Variants in DQX1 observed in about 807,000 individuals in gnomAD.
The protein encoded by DQX1 is DEAQ-box RNA dependent ATPase 1.
A neutral mutation model predicts 81.3 loss-of-function variants in DQX1; 66 were observed. The ratio of observed to expected loss-of-function variants is 0.81; its 90% CI spans 0.67 to 1.00. The LOEUF is 1.00. Ranked by LOEUF, DQX1 falls within the 50% of genes least tolerant of loss-of-function variation. The pLI is 0.00. For synonymous variants in DQX1, 290 were observed against 350.0 expected, an observed-to-expected ratio of 0.83 and a Z score of 1.91; for missense variants, 798 against 867.9, an observed-to-expected ratio of 0.92 and a Z score of 1.01.
rs1675076328 is a variant in DQX1 at position 74,523,137 on chromosome 2, C to G, written c.1126G>C (p.Ala376Pro). 1.2e-6 allele frequency: 2 copies of G among 1,614,180 alleles called. No homozygotes were observed. Among genetic ancestry groups the G allele is most frequent in the East Asian group, 4.5e-5 (2 of 44,888 alleles). The change falls in exon 6 of 12, where the codon GCA (alanine) becomes CCA (proline). Residue 376 changes from alanine (A) to proline (P), a missense_variant. Coordinates refer to ENST00000404568, the MANE Select transcript of DQX1 (RefSeq NM_133637.3). ...CTCTTACCTGGTGGGAACCCTCTTG[C>G]TCGCAATCGTCTTGCCTCTGCCTGA... ...KCQAEARRLRARGFPPGSCLC... is the reference protein window; with the variant it reads ...KCQAEARRLRPRGFPPGSCLC...
At position 74,524,111 on chromosome 2, in the gene DQX1, G is replaced by T; in HGVS notation, c.628C>A (p.Pro210Thr). The change falls in exon 4 of 12, where the codon CCT becomes ACT. Residue 210 changes from proline to threonine, a missense_variant. By Grantham distance (38) the Pro-to-Thr change is conservative. Transcript: ENST00000404568. ...VVVVTDPALE[P>T]KLRAFWGNPP... ...TTGCCCCAGAAAGCTCGGAGCTTAG[G>T]TTCAAGGGCTGGGTCAGTAACCACA... 3 of 1,614,186 alleles carry T rather than the reference G, an allele frequency of 1.9e-6. No individual in the cohort carries two copies. Among genetic ancestry groups the T allele is most frequent in the Non-Finnish European group, 2.5e-6 (3 of 1,180,030 alleles).
Position 74,519,941 on chromosome 2 carries a change from A to G in DQX1, c.1589T>C (p.Ile530Thr). The change falls in exon 9 of 12, where the codon ATC becomes ACC. Residue 530 changes from isoleucine (I) to threonine (T), a missense_variant. Transcript: ENST00000404568. Reference protein sequence around the residue: ...EHTDGDHSSLIQVYEAFIQSG... With the variant: ...EHTDGDHSSLTQVYEAFIQSG... Reference sequence around the variant, plus strand: ...TTGTATAAAGGCTTCATACACCTGGATCAGAGAACTGTGGTCACCATCCGT... The same window carrying G: ...TTGTATAAAGGCTTCATACACCTGGGTCAGAGAACTGTGGTCACCATCCGT... 2 of 1,614,224 alleles carry G rather than the reference A, an allele frequency of 1.2e-6. No homozygotes were observed. Among genetic ancestry groups the G allele is most frequent in the Non-Finnish European group, 1.7e-6 (2 of 1,180,028 alleles).
In DQX1 at chr2:74,522,649, T is replaced by C. The variant is rs374157779; in HGVS notation, c.1426A>G (p.Lys476Glu). 1.4e-5 allele frequency: 22 copies of C among 1,614,080 alleles called. No homozygotes were observed. The African/African-American group carries it at 2.5e-4, about 19-fold the overall frequency. Reference sequence around the variant, plus strand: ...AACTCGCATGAGGCCAGCAGGGCTTTGGCCAGCTCAGGGGCCAGAGGGAAT... The same window carrying C: ...AACTCGCATGAGGCCAGCAGGGCTTCGGCCAGCTCAGGGGCCAGAGGGAAT... ...SEFPLAPELA[K>E]ALLASCEFDC... The change falls in exon 8 of 12, where the codon AAA (lysine) becomes GAA (glutamate). Residue 476 changes from lysine to glutamate, a missense_variant. Transcript: ENST00000404568.
intron 3 of DQX1, among the ~76,000 whole-genome samples, chr2:74,524,531 G>A (rs1675122100): frequency 6.6e-6 from 1 of 152,186 alleles, no homozygotes; most frequent in Non-Finnish European, 1.5e-5. Flanking sequence ...TTTCTGATGA[G>A]GGTGAGGCTG....
chr2:74,524,991 GCC>G lies in DQX1; in HGVS notation c.431+16_431+17del. ...ATAAGGGGAATTATATTCGGGTAAG[GCC>G]TGCAGAGGCCCCCACCTGAGCAGGG... On this transcript the variant is annotated intron_variant, in intron 3 of 11. Transcript: ENST00000404568. 1 of 1,605,930 alleles carries G rather than the reference GCC, an allele frequency of 6.2e-7. No homozygotes were observed. Among genetic ancestry groups the G allele is most frequent in the Non-Finnish European group, 8.5e-7 (1 of 1,175,100 alleles).
chr2:74,518,513 G>C lies in DQX1; in HGVS notation c.2087C>G (p.Ala696Gly). The C allele has an allele frequency of 6.2e-7, 1 of 1,614,210 alleles. No homozygotes were observed. The highest frequency in any genetic ancestry group is 8.5e-7 in the Non-Finnish European group (1 of 1,180,032). Residue 696 changes from alanine to glycine, a missense_variant, in exon 12 of 12, where the codon GCA becomes GGA. Ala to Gly is a moderately conservative substitution (Grantham distance 60). Coordinates refer to ENST00000404568, the MANE Select transcript of DQX1 (RefSeq NM_133637.3). ...TGATTTGCTCCCTGCTGTAGAATCTGCCATTCCTTCCCTTAGCTGGTTCAG... is the reference window on the plus strand; with the variant it reads ...TGATTTGCTCCCTGCTGTAGAATCTCCCATTCCTTCCCTTAGCTGGTTCAG... ...DLLNQLREGM[A>G]DSTAGSKSSS...
In DQX1 at chr2:74,524,074, A is replaced by C. The variant is rs1336622906; in HGVS notation, c.665T>G (p.Val222Gly). ...LRAFWGNPPI[V>G]HIPREPGERP... The stretch of plus-strand genomic sequence containing the variant: ...CTCACCAGGCTCTCTGGGTATATGC[A>C]CAATAGGAGGATTGCCCCAGAAAGC... Residue 222 changes from valine to glycine, a missense_variant, in exon 4 of 12, where the codon GTG (valine) becomes GGG (glycine). By Grantham distance (109) the Val-to-Gly change is moderately radical. Transcript: ENST00000404568. The C allele has an allele frequency of 6.2e-7, 1 of 1,614,062 alleles. No individual in the cohort carries two copies.
rs1252053994 is a variant in DQX1, at chr2:74,525,916, GAGAGTT to G, written c.-19-174_-19-169del. ...CTAGGTATTTTGATAAAGGGCTACTGAGAGTTAGTCGACAGTCCCTATAGTCAGGTA... is the reference window on the plus strand; with the variant it reads ...CTAGGTATTTTGATAAAGGGCTACTGAGTCGACAGTCCCTATAGTCAGGTA... On this transcript the variant is annotated intron_variant, in intron 1 of 11. Transcript: ENST00000404568. The surrounding 1 kb of genome is among the most constrained non-coding windows in gnomAD (Gnocchi z 4.1). 6.6e-6 allele frequency among the ~76,000 whole-genome samples: 1 copy of G among 152,224 alleles called. No individual in the cohort carries two copies. Among genetic ancestry groups the G allele is most frequent in the African/African-American group, 2.4e-5 (1 of 41,446 alleles).
chr2:74,524,856 C>T (rs2104343023), intron 3 of DQX1, among the ~76,000 whole-genome samples, 153 bp downstream of exon 3: 1 of 152,194 alleles, frequency 6.6e-6, no homozygotes, highest in South Asian at 2.1e-4. Context: ...GCACTCCAGC[C>T]TGGGTGACAG....
In DQX1 at chr2:74,523,305, C is replaced by G. The variant is rs371651616; in HGVS notation, c.1044+5G>C. 8 of 1,614,094 alleles carry G rather than the reference C, an allele frequency of 5.0e-6. No individual in the cohort carries two copies. The Admixed American group carries it at 5.0e-5, about 10-fold the overall frequency. ...ACCCCACCGCTATCTCTCTCTCTCA[C>G]TCACACTTCGGAGCTCCAGTCCTGA... On this transcript the variant is annotated splice_donor_5th_base_variant and intron_variant, in intron 5 of 11. Transcript: ENST00000404568.
chr2:74,518,804 G>A (rs907969228), intron 11 of DQX1, among the ~76,000 whole-genome samples: 1 of 152,138 alleles, frequency 6.6e-6, no homozygotes, highest in Non-Finnish European at 1.5e-5. Flanking sequence ...TGGGACTACA[G>A]GGTGGTTTCA....
rs187381010 is a variant in DQX1, at chr2:74,525,360, C to T, written c.237+133G>A. On this transcript the variant is annotated intron_variant, in intron 2 of 11. Transcript: ENST00000404568. This position sits in a 1 kb window ranked among gnomAD's most constrained non-coding sequence, Gnocchi z 4.1. ...CAACCTAACCCATCCCATCTCTCTTCGTTCACCTTCCTCATGACCCCACGC... is the reference window on the plus strand; with the variant it reads ...CAACCTAACCCATCCCATCTCTCTTTGTTCACCTTCCTCATGACCCCACGC... 128 of 1,246,114 alleles carry T rather than the reference C, an allele frequency of 1.0e-4. 1 individual carries two copies. In the African/African-American group the frequency reaches 1.4e-3, roughly 14 times the overall value. The allele number at this position is 1,246,114 out of a possible 1,614,324, so 77.2% of individuals were successfully genotyped here. A position where few individuals can be genotyped will look rare whatever the true frequency, so the allele number is the denominator to read the frequency against.
intron 4 of DQX1, 192 bp downstream of exon 4, chr2:74,523,731 T>A (rs2104340923): frequency 9.9e-7 from 1 of 1,013,642 alleles, no homozygotes; most frequent in Non-Finnish European, 1.4e-6. Context: ...AAAAAGTGAG[T>A]GGTAAACCTC....
At position 74,522,908 on chromosome 2, in the gene DQX1, T is replaced by C. The variant is rs974613002; in HGVS notation, c.1251A>G (p.Leu417=). 2.5e-6 allele frequency: 4 copies of C among 1,614,026 alleles called. No individual in the cohort carries two copies. In the African/African-American group the frequency reaches 4.0e-5, roughly 16 times the overall value. Residue 417 remains leucine, a synonymous_variant, in exon 7 of 12, where the codon CTA becomes CTG. Coordinates refer to ENST00000404568, the MANE Select transcript of DQX1 (RefSeq NM_133637.3). ...EENLSSLVLL[L]KRRQIAEPGE... ...CTGGCTCTGCAATCTGTCTCCTTTT[T>C]AGTAGTAACACCAGGGAGCTCAGAT...
Position 74,523,497 on chromosome 2 carries a change from T to C in DQX1, c.857A>G (p.Glu286Gly). The change falls in exon 5 of 12, where the codon GAG becomes GGG. Residue 286 changes from glutamate (E) to glycine (G), a missense_variant. Transcript: ENST00000404568. Reference sequence around the variant, plus strand: ...TGGAAGCCCTTGGAGAAGCAAGGACTCTACCTCCCTGGACAAGGATTCACA... The same window carrying C: ...TGGAAGCCCTTGGAGAAGCAAGGACCCTACCTCCCTGGACAAGGATTCACA... ...LCCESLSREVESLLLQGLPPR... is the reference protein window; with the variant it reads ...LCCESLSREVGSLLLQGLPPR... The C allele has an allele frequency of 6.2e-7, 1 of 1,614,042 alleles. No individual in the cohort carries two copies. The highest frequency in any genetic ancestry group is 1.1e-5 in the South Asian group (1 of 91,068).
chr2:74,525,278 C>T lies in DQX1; in HGVS notation c.238-76G>A. 1 of 1,413,794 alleles carries T rather than the reference C, an allele frequency of 7.1e-7. No homozygotes were observed. The allele number at this position is 1,413,794 out of a possible 1,614,324, so 87.6% of individuals were successfully genotyped here. On this transcript the variant is annotated intron_variant, in intron 2 of 11. Coordinates refer to ENST00000404568, the MANE Select transcript of DQX1 (RefSeq NM_133637.3). The surrounding 1 kb of genome is among the most constrained non-coding windows in gnomAD (Gnocchi z 4.1). ...GTCAGAAGTGCTCAGGGAACTATGG[C>T]CACTTTAATCTTTCCTTATTTGGGG...
chr2:74,525,434 C>G lies in DQX1; in HGVS notation c.237+59G>C. On this transcript the variant is annotated intron_variant, in intron 2 of 11. Coordinates refer to ENST00000404568, the MANE Select transcript of DQX1 (RefSeq NM_133637.3). This position sits in a 1 kb window ranked among gnomAD's most constrained non-coding sequence, Gnocchi z 4.1. ...GAAAGGCCACTTTCCCTTTGTCCTC[C>G]CTTTGTCCTCCCTTTGTCCACTCCC... 1.3e-6 allele frequency: 2 copies of G among 1,512,648 alleles called. No homozygotes were observed. Among genetic ancestry groups the G allele is most frequent in the Non-Finnish European group, 1.8e-6 (2 of 1,117,228 alleles). 93.7% of individuals were successfully genotyped at this position (1,512,648 alleles called of 1,614,324 possible). A position where few individuals can be genotyped will look rare whatever the true frequency, so the allele number is the denominator to read the frequency against.
chr2:74,522,276 C>A (rs552466364), intron 8 of DQX1, among the ~76,000 whole-genome samples: 1 of 152,100 alleles, frequency 6.6e-6, no homozygotes, highest in Non-Finnish European at 1.5e-5. Flanking sequence ...GAGCAATACA[C>A]CAGTTAGAAC....
intron 4 of DQX1, 31 bp from the exon 5 acceptor site, chr2:74,523,568 C>T (rs769780881): frequency 1.6e-5 from 26 of 1,594,724 alleles, no homozygotes; most frequent in Middle Eastern, 3.4e-4. Flanking sequence ...GGCATTAGGG[C>T]AGTTCTCACG....
Sources: allele counts gnomAD v4.1 joint callset (sites outside exome capture counted in the v4.1 genomes callset), GRCh38; gene constraint gnomAD v4.1.1; non-coding constraint Gnocchi (gnomAD v3.1); transcripts MANE v1.5; gene names NCBI Gene and HGNC (gene_info 2026-07-23, HGNC 2026-07-21).